ANKDD1A: variants seen among roughly 807,000 people sequenced by gnomAD.
The protein encoded by ANKDD1A is ankyrin repeat and death domain-containing protein 1A.
A neutral mutation model predicts 63.5 loss-of-function variants in ANKDD1A; 59 were observed. The observed-to-expected ratio is 0.93, with a 90% confidence interval of 0.75 to 1.15. The LOEUF is 1.15. Ranked by LOEUF, ANKDD1A falls within the 50% of genes most tolerant of loss-of-function variation. The probability of loss-of-function intolerance (pLI) is 0.00; values close to 1 mark genes in which losing one functional copy is unlikely to be tolerated. For synonymous variants in ANKDD1A, 266 were observed against 263.9 expected, an observed-to-expected ratio of 1.01 and a Z score of -0.08; for missense variants, 632 against 656.4, an observed-to-expected ratio of 0.96 and a Z score of 0.41.
At chr15:64,913,105 T>G (rs942233145) in intron 1 of ANKDD1A, among the ~76,000 whole-genome samples, 1 of 152,214 alleles carries the variant, frequency 6.6e-6, no homozygotes, top group African/African-American at 2.4e-5. Flanking sequence ...CAGTGTCTGC[T>G]GGCTTCCCAT....
chr15:64,915,739 C>A, intron 1 of ANKDD1A, 58 bp from the exon 2 acceptor site: 1 of 1,475,050 alleles, frequency 6.8e-7, no homozygotes, highest in Non-Finnish European at 9.5e-7. Context: ...GTTTACCTCT[C>A]CTGTCTGCAG....
chr15:64,950,738 C>T (rs906893108), intron 14 of ANKDD1A: 2 of 793,478 alleles, frequency 2.5e-6, no homozygotes, highest in East Asian at 1.4e-4. Flanking sequence ...CGCCCCCCCC[C>T]CCCCCCCCCC....
intron 14 of ANKDD1A, among the ~76,000 whole-genome samples, chr15:64,953,661 CTTTCTTCTCCTTCT>C (rs1363089754): frequency 2.7e-4 from 1 of 3,644 alleles, no homozygotes; most frequent in African/African-American, 5.9e-4. Context: ...TCCTTCTTTT[CTTTCTTCTCCTTCT>C]TTTCTTCTCC....
At chr15:64,936,689 A>G (rs1408816001) in intron 9 of ANKDD1A, among the ~76,000 whole-genome samples, 2 of 151,990 alleles carry the variant, frequency 1.3e-5, no homozygotes, top group South Asian at 2.1e-4. Context: ...AAAATTTAAA[A>G]ATCAGCCGGG....
intron 9 of ANKDD1A, among the ~76,000 whole-genome samples, chr15:64,938,987 A>T (rs2085158733): frequency 6.6e-6 from 1 of 151,386 alleles, no homozygotes; most frequent in African/African-American, 2.4e-5. Flanking sequence ...TAGAGTATGG[A>T]TGTTAAGTTC....
chr15:64,955,267 A>G (rs67054282), intron 14 of ANKDD1A, among the ~76,000 whole-genome samples: 51,951 of 151,874 alleles, frequency 0.34, 9,971 homozygotes, highest in South Asian at 0.48. Flanking sequence ...GTTAGCCAGG[A>G]TGGTCTTGAT....
At chr15:64,918,752 G>A (rs183915562) in intron 3 of ANKDD1A, among the ~76,000 whole-genome samples, 1 of 152,026 alleles carries the variant, frequency 6.6e-6, no homozygotes, top group Non-Finnish European at 1.5e-5. Context: ...TCAGGAGTTC[G>A]AGACCAGCCT....
chr15:64,933,031 G>A (rs887962254), intron 8 of ANKDD1A, among the ~76,000 whole-genome samples: 2 of 151,776 alleles, frequency 1.3e-5, no homozygotes, highest in Admixed American at 1.3e-4. Context: ...ATCACGCCAG[G>A]CCTTTTGCTC....
intron 9 of ANKDD1A, among the ~76,000 whole-genome samples, chr15:64,935,457 C>T (rs112728494): frequency 0.016 from 2,395 of 151,972 alleles, 33 homozygotes; most frequent in African/African-American, 0.033. Context: ...GGGCGGATCA[C>T]GAGGTCAGGA....
rs1169870433 is a variant in ANKDD1A, at chr15:64,947,596, AC to A, written c.1351+5del. The stretch of plus-strand genomic sequence containing the variant: ...CGCCATCGAGCAACAGTGGACAGGT[AC>A]CACCTTGCCTCTCCTCGCCCTAAGC... On this transcript the variant is annotated splice_donor_region_variant and intron_variant, in intron 13 of 14. Transcript: ENST00000319580. 6.2e-7 allele frequency: 1 copy of A among 1,613,490 alleles called. No individual in the cohort carries two copies. Among genetic ancestry groups the A allele is most frequent in the Admixed American group, 1.7e-5 (1 of 59,936 alleles).
At chr15:64,934,096 G>A in intron 8 of ANKDD1A, 40 bp from the exon 9 acceptor site, 1 of 1,537,618 alleles carries the variant, frequency 6.5e-7, no homozygotes, top group Non-Finnish European at 8.9e-7. Flanking sequence ...TCAGTAGGAG[G>A]GGTCCTTGTG....
intron 14 of ANKDD1A, 163 bp downstream of exon 14, chr15:64,950,135 A>G (rs1444892789): frequency 4.1e-6 from 4 of 985,224 alleles, no homozygotes; most frequent in Non-Finnish European, 4.8e-6. Flanking sequence ...TGGGCAAACT[A>G]CAGTGCCTCC....
chr15:64,929,583 G>A (rs2085072869), intron 6 of ANKDD1A, among the ~76,000 whole-genome samples: 1 of 152,190 alleles, frequency 6.6e-6, no homozygotes, highest in South Asian at 2.1e-4. Context: ...TCTTGGCTAT[G>A]TCACTGTCAC....
intron 8 of ANKDD1A, among the ~76,000 whole-genome samples, chr15:64,933,335 G>A (rs2140373200): frequency 6.6e-6 from 1 of 152,338 alleles, no homozygotes; most frequent in East Asian, 1.9e-4. Flanking sequence ...GGTCACCCTA[G>A]TGGGGCCTGC....
At chr15:64,951,737 C>A (rs1595858607) in intron 14 of ANKDD1A, among the ~76,000 whole-genome samples, 1 of 53,186 alleles carries the variant, frequency 1.9e-5, no homozygotes, top group Non-Finnish European at 5.3e-5. Flanking sequence ...CTTCTTTCCT[C>A]CTTCTTCCTC....
intron 3 of ANKDD1A, among the ~76,000 whole-genome samples, chr15:64,918,782 C>T (rs1265562414): frequency 2.0e-5 from 3 of 151,938 alleles, no homozygotes; most frequent in African/African-American, 4.8e-5. Flanking sequence ...TTCGAAACCC[C>T]GTCTCTACTA....
rs2085351171 is a variant in ANKDD1A, at chr15:64,953,624, C to CG, written c.1484-3479_1484-3478insG. Among the ~76,000 whole-genome samples the CG allele has an allele frequency of 8.7e-3, 173 of 19,876 alleles. 4 individuals carry two copies. Among genetic ancestry groups the CG allele is most frequent in the African/African-American group, 0.012 (170 of 14,042 alleles). 13.0% of individuals were successfully genotyped at this position (19,876 alleles called of 152,430 possible). ...TCTTCTTTCTTCTCTCCTTCTTCTTCTTCTTCCTTCTTCTTCCTCTTCCTT... is the reference window on the plus strand; with the variant it reads ...TCTTCTTTCTTCTCTCCTTCTTCTTCGTTCTTCCTTCTTCTTCCTCTTCCTT... On this transcript the variant is annotated intron_variant, in intron 14 of 14. Coordinates refer to ENST00000319580, the MANE Select transcript of ANKDD1A (RefSeq NM_182703.6).
chr15:64,953,608 T>C (rs2085349258), intron 14 of ANKDD1A, among the ~76,000 whole-genome samples: 1 of 21,510 alleles, frequency 4.6e-5, no homozygotes, highest in Non-Finnish European at 8.9e-5. Flanking sequence ...TTCTTCTTTC[T>C]TCTCTCCTTC....
rs1292039294 is a variant in ANKDD1A, at chr15:64,957,147, T to A, written c.1528T>A (p.Ser510Thr). The A allele has an allele frequency of 1.1e-5, 5 of 436,696 alleles. No homozygotes were observed. Among genetic ancestry groups the A allele is most frequent in the African/African-American group, 2.1e-5 (1 of 48,326 alleles). 27.1% of individuals were successfully genotyped at this position (436,696 alleles called of 1,614,324 possible). A position where few individuals can be genotyped will look rare whatever the true frequency, so the allele number is the denominator to read the frequency against. The change falls in exon 15 of 15, where the codon TCC (serine) becomes ACC (threonine). Residue 510 changes from serine (S) to threonine (T), a missense_variant. Physicochemically the swap from Ser to Thr is moderately conservative, Grantham distance 58 (BLOSUM62 1). Coordinates refer to ENST00000319580, the MANE Select transcript of ANKDD1A (RefSeq NM_182703.6). ...ATCTCAGCTCACGGCAACCTCCGCC[T>A]CCCGGGTTCAAATGATTCTTGTGCC... is the stretch of plus-strand genomic sequence containing the variant. The part of the protein sequence containing the change: ...ARSQLTATSA[S>T]RVQMILVPQP...
Sources: allele counts gnomAD v4.1 joint callset (sites outside exome capture counted in the v4.1 genomes callset), GRCh38; gene constraint gnomAD v4.1.1; transcripts MANE v1.5; gene names NCBI Gene and HGNC (gene_info 2026-07-23, HGNC 2026-07-21).